The following NCAM2 variants were observed in gnomAD, a reference collection of about 807,000 sequenced individuals.
NCAM2 encodes N-CAM-2.
A neutral mutation model predicts 98.1 loss-of-function variants in NCAM2; 30 were observed. The observed-to-expected ratio is 0.31, with a 90% CI of 0.23 to 0.41. NCAM2 has a LOEUF of 0.41. NCAM2 is among the 10% of genes least tolerant of loss of function. NCAM2 has a pLI of 1.00. For missense variants in NCAM2, 867 were observed against 1,005.8 expected, an observed-to-expected ratio of 0.86 and a Z score of 1.87; for synonymous variants, 368 against 342.4, an observed-to-expected ratio of 1.07 and a Z score of -0.83.
intron 1 of NCAM2, among the ~76,000 whole-genome samples, chr21:21,149,195 G>A (rs2067373507): frequency 6.6e-6 from 1 of 151,988 alleles, no homozygotes. Flanking sequence ...GGCTATTTGA[G>A]GTCTTCCTTT....
intron 15 of NCAM2, among the ~76,000 whole-genome samples, chr21:21,497,794 A>T (rs1000401576): frequency 2.6e-5 from 4 of 152,192 alleles, no homozygotes; most frequent in Non-Finnish European, 5.9e-5. Flanking sequence ...TCAGCAAAGT[A>T]CACATAAAAT....
intron 12 of NCAM2, among the ~76,000 whole-genome samples, chr21:21,459,335 T>A (rs978322601): frequency 6.6e-5 from 10 of 151,826 alleles, no homozygotes; most frequent in Admixed American, 1.3e-4. Context: ...CTATGTTCTT[T>A]GTAGCATTAT....
intron 8 of NCAM2, among the ~76,000 whole-genome samples, chr21:21,364,457 A>G (rs2075733385): frequency 6.6e-6 from 1 of 151,730 alleles, no homozygotes; most frequent in South Asian, 2.1e-4. Context: ...TATATTTGCT[A>G]TAATAATATC....
chr21:21,212,993 G>A (rs1272604930), intron 1 of NCAM2, among the ~76,000 whole-genome samples: 2 of 151,958 alleles, frequency 1.3e-5, no homozygotes, highest in African/African-American at 4.8e-5. Context: ...GCCCGCCTTG[G>A]CCTCCTGAAG....
intron 12 of NCAM2, among the ~76,000 whole-genome samples, chr21:21,442,243 T>G (rs1161153012): frequency 6.6e-6 from 1 of 151,874 alleles, no homozygotes; most frequent in African/African-American, 2.4e-5. Context: ...GTCTTCTAAA[T>G]GAAAGACACA....
chr21:21,404,676 AAT>A (rs1359969707), intron 9 of NCAM2, among the ~76,000 whole-genome samples: 3 of 151,936 alleles, frequency 2.0e-5, no homozygotes, highest in Non-Finnish European at 2.9e-5. Context: ...ACCGTATATC[AAT>A]ATATGTCAGT....
intron 1 of NCAM2, among the ~76,000 whole-genome samples, chr21:21,055,172 A>T (rs1281309427): frequency 1.3e-5 from 2 of 151,960 alleles, no homozygotes; most frequent in Non-Finnish European, 2.9e-5. Context: ...GGTGATTAAA[A>T]CCAAGAAGCT....
At chr21:21,273,934 G>A (rs1221848073) in intron 1 of NCAM2, among the ~76,000 whole-genome samples, 1 of 152,136 alleles carries the variant, frequency 6.6e-6, no homozygotes, top group Non-Finnish European at 1.5e-5. Flanking sequence ...GGGAGGCTGA[G>A]GCAGGCAGAT....
At chr21:21,182,743 G>A (rs2068520206) in intron 1 of NCAM2, among the ~76,000 whole-genome samples, 1 of 152,012 alleles carries the variant, frequency 6.6e-6, no homozygotes, top group African/African-American at 2.4e-5. Context: ...CACTGGAAAG[G>A]CAATATCTTT....
chr21:21,443,757 T>A (rs1979670536), intron 12 of NCAM2, among the ~76,000 whole-genome samples: 1 of 152,120 alleles, frequency 6.6e-6, no homozygotes, highest in South Asian at 2.1e-4. Flanking sequence ...AGGTTCAAGG[T>A]CATTGTAAAT....
intron 1 of NCAM2, among the ~76,000 whole-genome samples, chr21:21,157,663 TA>T (rs954854986): frequency 3.3e-5 from 5 of 151,560 alleles, no homozygotes; most frequent in East Asian, 1.9e-4. Flanking sequence ...CATCTGCATT[TA>T]AAAAAAAACT....
intron 1 of NCAM2, among the ~76,000 whole-genome samples, chr21:21,234,235 CTAGTT>C (rs2070734966): frequency 6.6e-6 from 1 of 151,580 alleles, no homozygotes; most frequent in South Asian, 2.1e-4. Context: ...TGGAAGTACT[CTAGTT>C]AATGCAGGAG....
intron 15 of NCAM2, among the ~76,000 whole-genome samples, chr21:21,488,500 A>G (rs1986580516): frequency 6.6e-6 from 1 of 152,014 alleles, no homozygotes; most frequent in African/African-American, 2.4e-5. Context: ...TTTAAATATT[A>G]ATATGGTATA....
At position 21,537,995 on chromosome 21, in the gene NCAM2, G is replaced by C. The variant is rs377288652; in HGVS notation, c.*38G>C. ...AGGGGCTTGAACAACACTACGAAGA[G>C]TATTTGGATTGCGTGACCCTATGAC... On this transcript the variant is annotated 3_prime_UTR_variant, in exon 18 of 18. Transcript: ENST00000400546. 8.0e-7 allele frequency: 1 copy of C among 1,243,630 alleles called. No homozygotes were observed. The highest frequency in any genetic ancestry group is 2.5e-5 in the Admixed American group (1 of 40,162). 77.0% of individuals were successfully genotyped at this position (1,243,630 alleles called of 1,614,324 possible).
At chr21:21,367,049 G>T (rs917104588) in intron 8 of NCAM2, among the ~76,000 whole-genome samples, 5 of 151,810 alleles carry the variant, frequency 3.3e-5, no homozygotes, top group Admixed American at 3.3e-4. Context: ...TCAATTATGT[G>T]GCATACATTA....
At chr21:21,006,362 C>T (rs1601068186) in intron 1 of NCAM2, among the ~76,000 whole-genome samples, 2 of 152,050 alleles carry the variant, frequency 1.3e-5, no homozygotes, top group Admixed American at 6.6e-5. Flanking sequence ...CAAAAATTAG[C>T]TGGGCGTGGT....
In NCAM2 at chr21:21,220,409, C is replaced by T. The variant is rs145013970; in HGVS notation, c.56-60169C>T. ...GGCTGTAGTATTCCGTACAATAATACGCTATAAAATTTTGTAGTCTAGGGG... is the reference window on the plus strand; with the variant it reads ...GGCTGTAGTATTCCGTACAATAATATGCTATAAAATTTTGTAGTCTAGGGG... On this transcript the variant is annotated intron_variant, in intron 1 of 17. Coordinates refer to ENST00000400546, the MANE Select transcript of NCAM2 (RefSeq NM_004540.5). Among the ~76,000 whole-genome samples the T allele has an allele frequency of 9.9e-5, 15 of 152,154 alleles. No individual in the cohort carries two copies. The East Asian group carries it at 1.5e-3, about 16-fold the overall frequency.
chr21:21,101,736 A>G (rs1291192747), intron 1 of NCAM2, among the ~76,000 whole-genome samples: 1 of 152,098 alleles, frequency 6.6e-6, no homozygotes, highest in Non-Finnish European at 1.5e-5. Context: ...TAACCAGAAG[A>G]ATAAAAGAGG....
At chr21:21,409,401 T>C (rs912496148) in intron 9 of NCAM2, among the ~76,000 whole-genome samples, 3 of 152,192 alleles carry the variant, frequency 2.0e-5, no homozygotes, top group Admixed American at 2.0e-4. Flanking sequence ...TTATTGTTGA[T>C]TAATTTATGA....
Sources: gnomAD v4.1 joint callset for allele counts (sites outside exome capture counted in the v4.1 genomes callset) on GRCh38, gnomAD v4.1.1 for gene constraint, MANE v1.5 for transcripts, NCBI Gene and HGNC (gene_info 2026-07-23, HGNC 2026-07-21) for gene names.